Variants in DPP6 observed in about 807,000 individuals in gnomAD.
DPP6 encodes the protein dipeptidyl peptidase like 6.
In DPP6, 69 loss-of-function variants were observed where a neutral mutation model predicts 122.6. The ratio of observed to expected loss-of-function variants is 0.56; its 90% CI spans 0.46 to 0.69. The LOEUF is 0.69. DPP6 is among the 30% of genes least tolerant of loss of function. The probability of loss-of-function intolerance (pLI) is 0.00; values close to 1 mark genes in which losing one functional copy is unlikely to be tolerated. For synonymous variants in DPP6, 418 were observed against 433.1 expected (o/e 0.97, Z 0.43); for missense variants, 928 against 1,116.9 (o/e 0.83, Z 2.41).
intron 1 of DPP6, among the ~76,000 whole-genome samples, chr7:154,188,030 G>A (rs765995113): frequency 2.6e-5 from 4 of 151,922 alleles, no homozygotes; most frequent in Non-Finnish European, 4.4e-5. Flanking sequence ...ACCTGAAGAT[G>A]CTAATGGCTC....
chr7:153,833,702 G>A, the DPP6 span, among the ~76,000 whole-genome samples: 1 of 151,850 alleles, frequency 6.6e-6, no homozygotes, highest in African/African-American at 2.4e-5. Context: ...GGTGTGTGGG[G>A]AGAAGTCAAA....
chr7:154,220,512 T>C (rs1800244064), intron 1 of DPP6, among the ~76,000 whole-genome samples: 1 of 152,078 alleles, frequency 6.6e-6, no homozygotes, highest in Non-Finnish European at 1.5e-5. Context: ...CACCACAACC[T>C]CCCTGTGACA....
intron 9 of DPP6, among the ~76,000 whole-genome samples, chr7:154,771,168 G>T (rs1012727785): frequency 6.6e-6 from 1 of 152,232 alleles, no homozygotes; most frequent in Non-Finnish European, 1.5e-5. Context: ...AACTTATAAG[G>T]CAGATATATG....
intron 1 of DPP6, among the ~76,000 whole-genome samples, chr7:153,986,103 G>T (rs1423692676): frequency 6.6e-6 from 1 of 152,130 alleles, no homozygotes; most frequent in Non-Finnish European, 1.5e-5. Flanking sequence ...TGTTTCCACT[G>T]GTTACACATT....
Position 154,755,268 on chromosome 7 carries a change from A to G in DPP6, c.884-14149A>G, listed in dbSNP as rs1446310413. Among the ~76,000 whole-genome samples, 1 of 151,912 alleles carries G rather than the reference A, an allele frequency of 6.6e-6. No homozygotes were observed. Among genetic ancestry groups the G allele is most frequent in the Non-Finnish European group, 1.5e-5 (1 of 67,992 alleles). The stretch of plus-strand genomic sequence containing the variant: ...CTGTCCGACCCTGGGCCTTATAGAC[A>G]GTGTCACTTGATAGGATGTTTTGAG... On this transcript the variant is annotated intron_variant, in intron 8 of 25. Coordinates refer to ENST00000377770, the MANE Select transcript of DPP6 (RefSeq NM_130797.4). The surrounding 1 kb of genome is among the most constrained non-coding windows in gnomAD (Gnocchi z 4.7).
In DPP6 at chr7:154,063,752, C is replaced by T. The variant is rs532067233; in HGVS notation, c.243+10689C>T. On this transcript the variant is annotated intron_variant, in intron 1 of 25. Transcript: ENST00000377770. Reference sequence around the variant, plus strand: ...TTCCCCCCCGGCTTAGGACCCCCGTCGTGGATCCTCAGATCCTTAGGACCC... The same window carrying T: ...TTCCCCCCCGGCTTAGGACCCCCGTTGTGGATCCTCAGATCCTTAGGACCC... 8.8e-4 allele frequency among the ~76,000 whole-genome samples: 133 copies of T among 151,728 alleles called. 1 individual carries two copies. The highest frequency in any genetic ancestry group is 6.0e-3 in the South Asian group (29 of 4,796).
intron 3 of DPP6, among the ~76,000 whole-genome samples, chr7:154,531,998 A>C (rs1296018883): frequency 6.6e-6 from 1 of 152,114 alleles, no homozygotes; most frequent in Non-Finnish European, 1.5e-5. Context: ...AAGACAGAGG[A>C]GACACTTAGA....
At chr7:154,648,195 G>A (rs10247332) in intron 6 of DPP6, among the ~76,000 whole-genome samples, 1,854 of 151,704 alleles carry the variant, frequency 0.012, 38 homozygotes, top group African/African-American at 0.042. Context: ...TTGAACCTGC[G>A]AGGCAGAGGT....
chr7:154,862,733 A>G (rs908307626), intron 17 of DPP6, among the ~76,000 whole-genome samples: 2 of 152,228 alleles, frequency 1.3e-5, no homozygotes, highest in Non-Finnish European at 2.9e-5. Context: ...CTCCTCTGGC[A>G]TCAAACACCT....
chr7:154,634,505 C>T (rs1011905163), intron 5 of DPP6, among the ~76,000 whole-genome samples: 4 of 152,054 alleles, frequency 2.6e-5, no homozygotes, highest in African/African-American at 9.7e-5. Flanking sequence ...TTCTTATAGG[C>T]GATTCCATTT....
chr7:154,411,232 A>G (rs1260914559), intron 1 of DPP6, among the ~76,000 whole-genome samples: 1 of 152,138 alleles, frequency 6.6e-6, no homozygotes, highest in Non-Finnish European at 1.5e-5. Context: ...CTCCTCTTCA[A>G]TTGTTAAAAA....
intron 5 of DPP6, among the ~76,000 whole-genome samples, chr7:154,625,179 G>A (rs1045747938): frequency 2.5e-4 from 38 of 152,236 alleles, no homozygotes; most frequent in African/African-American, 8.4e-4. Context: ...GCAGAATGTT[G>A]ACATCCAAGT....
At chr7:153,961,314 A>G (rs146829269) in intron 1 of DPP6, among the ~76,000 whole-genome samples, 1,970 of 143,404 alleles carry the variant, frequency 0.014, 42 homozygotes, top group African/African-American at 0.05. Context: ...AGAAGTTGGT[A>G]GATGGTTCAT....
At chr7:154,507,176 A>C (rs987883567) in intron 3 of DPP6, among the ~76,000 whole-genome samples, 2 of 152,224 alleles carry the variant, frequency 1.3e-5, no homozygotes, top group African/African-American at 4.8e-5. Context: ...AAGGCTCTTG[A>C]TACTTGTGGA....
intron 1 of DPP6, among the ~76,000 whole-genome samples, chr7:153,918,999 A>T (rs1176115055): frequency 1.4e-5 from 2 of 145,740 alleles, no homozygotes; most frequent in Non-Finnish European, 3.0e-5. Context: ...AAAAAAAAAG[A>T]AAATTTGAGT....
At chr7:153,882,638 G>A (rs181556553), upstream of DPP6, among the ~76,000 whole-genome samples, 2 of 152,322 alleles carry the variant, frequency 1.3e-5, no homozygotes, top group Admixed American at 6.5e-5. Flanking sequence ...CAAAAGGATC[G>A]ACACCACCAA....
chr7:154,696,974 G>T (rs573260459), intron 7 of DPP6, among the ~76,000 whole-genome samples: 65 of 115,430 alleles, frequency 5.6e-4, no homozygotes, highest in African/African-American at 2.1e-3. Context: ...GAGAGAGTAC[G>T]ATTCTACAAA....
the DPP6 span, among the ~76,000 whole-genome samples, chr7:153,857,322 T>TC: frequency 2.3e-4 from 28 of 124,390 alleles, 1 homozygote; most frequent in African/African-American, 8.5e-4. Context: ...CTCAAAGGTT[T>TC]TCTCTCTCTC....
intron 2 of DPP6, among the ~76,000 whole-genome samples, chr7:154,472,386 TC>T (rs1398141908): frequency 6.6e-6 from 1 of 152,194 alleles, no homozygotes; most frequent in Non-Finnish European, 1.5e-5. Flanking sequence ...TTATGAGCCT[TC>T]CTAGCTTGAA....
Sources: allele counts gnomAD v4.1 joint callset (sites outside exome capture counted in the v4.1 genomes callset), GRCh38; gene constraint gnomAD v4.1.1; non-coding constraint Gnocchi (gnomAD v3.1); transcripts MANE v1.5; gene names NCBI Gene and HGNC (gene_info 2026-07-23, HGNC 2026-07-21).